The following KCNH8 variants were observed in gnomAD, a reference collection of about 807,000 sequenced individuals.
The protein encoded by KCNH8 is potassium voltage-gated channel subfamily H member 8.
In KCNH8, 70 loss-of-function variants were observed where a neutral mutation model predicts 103.6. The observed-to-expected ratio is 0.68, with a 90% CI of 0.56 to 0.82. KCNH8 has a LOEUF of 0.82. Among genes scored for constraint, KCNH8 ranks in the 40% least tolerant of loss-of-function variants. The pLI is 0.00. For synonymous variants in KCNH8, 498 were observed against 489.4 expected, an observed-to-expected ratio of 1.02 and a Z score of -0.23; for missense variants, 1,217 against 1,329.9, an observed-to-expected ratio of 0.92 and a Z score of 1.32.
chr3:19,193,279 G>T (rs1170164682), intron 1 of KCNH8, among the ~76,000 whole-genome samples: 2 of 151,618 alleles, frequency 1.3e-5, no homozygotes, highest in Non-Finnish European at 3.0e-5. Context: ...TGTAAGAATT[G>T]ACTATGAATG....
intron 1 of KCNH8, among the ~76,000 whole-genome samples, chr3:19,246,252 A>C (rs995131567): frequency 6.6e-6 from 1 of 150,410 alleles, no homozygotes; most frequent in Non-Finnish European, 1.5e-5. Flanking sequence ...AAATAACTTT[A>C]AGAAGTTTTT....
rs9846681 is a variant in KCNH8 at position 19,335,447 on chromosome 3, A to G, written c.443-7140A>G. On this transcript the variant is annotated intron_variant, in intron 3 of 15. Coordinates refer to ENST00000328405, the MANE Select transcript of KCNH8 (RefSeq NM_144633.3). ...TGTGTGTATATATATGTGTGTGTGT[A>G]TATATATATGTGTGTGTGTGTATAT... is the stretch of plus-strand genomic sequence containing the variant. Among the ~76,000 whole-genome samples, 427 of 102,770 alleles carry G rather than the reference A, an allele frequency of 4.2e-3. 2 individuals are homozygous for G. The highest frequency in any genetic ancestry group is 0.013 in the African/African-American group (341 of 27,062). 67.4% of individuals were successfully genotyped at this position (102,770 alleles called of 152,430 possible).
chr3:19,493,849 T>A (rs2068378307), intron 11 of KCNH8, among the ~76,000 whole-genome samples: 1 of 151,992 alleles, frequency 6.6e-6, no homozygotes, highest in Non-Finnish European at 1.5e-5. Context: ...TATAGATTGT[T>A]TTATTATAAC....
At chr3:19,443,699 T>C (rs191267320) in intron 8 of KCNH8, among the ~76,000 whole-genome samples, 169 of 152,008 alleles carry the variant, frequency 1.1e-3, no homozygotes, top group Non-Finnish European at 2.0e-3. Context: ...TCAGAATTAA[T>C]GAGCGAATTC....
chr3:19,260,321 T>C (rs1329699465), intron 2 of KCNH8, among the ~76,000 whole-genome samples: 2 of 151,042 alleles, frequency 1.3e-5, no homozygotes, highest in African/African-American at 4.8e-5. Context: ...ATCAGGTATA[T>C]TCATATTCAG....
At chr3:19,290,008 A>G (rs1016770945) in intron 3 of KCNH8, among the ~76,000 whole-genome samples, 1 of 152,138 alleles carries the variant, frequency 6.6e-6, no homozygotes, top group African/African-American at 2.4e-5. Flanking sequence ...CTTTGAAGCA[A>G]TTGTGAATGG....
At chr3:19,452,834 C>T (rs1347912917) in intron 10 of KCNH8, among the ~76,000 whole-genome samples, 1 of 152,114 alleles carries the variant, frequency 6.6e-6, no homozygotes, top group African/African-American at 2.4e-5. Flanking sequence ...ACTTTGGACT[C>T]TGTATTCAGC....
intron 11 of KCNH8, among the ~76,000 whole-genome samples, chr3:19,495,293 T>C (rs1208238776): frequency 6.6e-6 from 1 of 152,232 alleles, no homozygotes; most frequent in Non-Finnish European, 1.5e-5. Flanking sequence ...AGAATGGTAT[T>C]GCCTAGGTTG....
intron 1 of KCNH8, among the ~76,000 whole-genome samples, chr3:19,184,579 C>T (rs745524476): frequency 4.6e-5 from 7 of 151,834 alleles, no homozygotes; most frequent in African/African-American, 7.2e-5. Context: ...AATGATATTT[C>T]GTTTTAAAAT....
At chr3:19,405,045 C>CA (rs994691710) in intron 7 of KCNH8, among the ~76,000 whole-genome samples, 5 of 151,650 alleles carry the variant, frequency 3.3e-5, no homozygotes, top group East Asian at 1.9e-4. Flanking sequence ...ATCCCTGCCC[C>CA]AAAAAATCTA....
At chr3:19,355,498 G>A (rs1406163282) in intron 5 of KCNH8, among the ~76,000 whole-genome samples, 1 of 152,106 alleles carries the variant, frequency 6.6e-6, no homozygotes, top group Non-Finnish European at 1.5e-5. Context: ...GTCCATCAAT[G>A]ATAGACTGGA....
At chr3:19,302,816 A>C (rs553114855) in intron 3 of KCNH8, among the ~76,000 whole-genome samples, 1 of 152,312 alleles carries the variant, frequency 6.6e-6, no homozygotes, top group South Asian at 2.1e-4. Context: ...GCTAATGCAT[A>C]TTATGTCTCG....
intron 8 of KCNH8, among the ~76,000 whole-genome samples, chr3:19,439,835 GA>G (rs1272331637): frequency 1.3e-5 from 2 of 151,128 alleles, no homozygotes; most frequent in Admixed American, 6.6e-5. Flanking sequence ...AAATTGAAGA[GA>G]AAAAAGGGAA....
At chr3:19,500,289 G>C (rs2068549520) in intron 11 of KCNH8, among the ~76,000 whole-genome samples, 1 of 152,130 alleles carries the variant, frequency 6.6e-6, no homozygotes, top group Non-Finnish European at 1.5e-5. Context: ...CATAAAGCAA[G>C]TCCTGAGTGA....
In KCNH8 at chr3:19,350,891, GTT is replaced by G. The variant is rs561613002; in HGVS notation, c.811+2927_811+2928del. ...GCTGGATGGAGAATGACTTTGACGA[GTT>G]GAGAGAAGACGGCTTCAGACAATCG... On this transcript the variant is annotated intron_variant, in intron 5 of 15. Coordinates refer to ENST00000328405, the MANE Select transcript of KCNH8 (RefSeq NM_144633.3). 5.3e-5 allele frequency among the ~76,000 whole-genome samples: 8 copies of G among 152,238 alleles called. No individual in the cohort carries two copies. In the East Asian group the frequency reaches 1.6e-3, roughly 30 times the overall value.
At chr3:19,349,366 C>T (rs1242117546) in intron 5 of KCNH8, among the ~76,000 whole-genome samples, 1 of 151,960 alleles carries the variant, frequency 6.6e-6, no homozygotes, top group African/African-American at 2.4e-5. Context: ...CTCCCACCCA[C>T]CCATGATGCA....
At chr3:19,449,057 A>G in intron 8 of KCNH8, 1 of 868,418 alleles carries the variant, frequency 1.2e-6, no homozygotes, top group Non-Finnish European at 1.6e-6. Context: ...GATGATACCT[A>G]GATGCTTCCC....
chr3:19,180,990 G>A (rs1249488968), intron 1 of KCNH8, among the ~76,000 whole-genome samples: 1 of 151,992 alleles, frequency 6.6e-6, no homozygotes, highest in Non-Finnish European at 1.5e-5. Context: ...ATATAAAAAG[G>A]CATGCAATTT....
At chr3:19,530,490 TG>T (rs1418901416) in intron 15 of KCNH8, among the ~76,000 whole-genome samples, 2 of 152,142 alleles carry the variant, frequency 1.3e-5, no homozygotes, top group African/African-American at 4.8e-5. Context: ...GAAAAATATC[TG>T]TTTATTTTGA....
Sources: gnomAD v4.1 joint callset for allele counts (sites outside exome capture counted in the v4.1 genomes callset) on GRCh38, gnomAD v4.1.1 for gene constraint, MANE v1.5 for transcripts, NCBI Gene and HGNC (gene_info 2026-07-23, HGNC 2026-07-21) for gene names.